The following FAF1 variants were observed in gnomAD, a reference collection of about 807,000 sequenced individuals.
FAF1 encodes the protein Fas associated factor 1, also known as FAS-associated factor 1.
A neutral mutation model predicts 92.5 loss-of-function variants in FAF1; 25 were observed. That is an observed-to-expected ratio of 0.27 (90% confidence interval 0.20 to 0.38). The LOEUF is 0.38. Ranked by LOEUF, FAF1 falls within the 10% of genes least tolerant of loss-of-function variation. The pLI is 1.00. For synonymous variants in FAF1, 234 were observed against 273.2 expected (o/e 0.86, Z 1.42); for missense variants, 636 against 793.3 (o/e 0.80, Z 2.38).
rs374530522 is a variant in FAF1 at position 50,748,698 on chromosome 1, A to C, written c.368-3923T>G. Reference sequence around the variant, plus strand: ...AAGATCAGTGAATCAGAATGTACTTATCTTTCATATATCTGCTTATGTTAG... The same window carrying C: ...AAGATCAGTGAATCAGAATGTACTTCTCTTTCATATATCTGCTTATGTTAG... On this transcript the variant is annotated intron_variant, in intron 4 of 18. Transcript: ENST00000396153. 1.8e-4 allele frequency among the ~76,000 whole-genome samples: 28 copies of C among 152,340 alleles called. No homozygotes were observed. The South Asian group carries it at 4.6e-3, about 25-fold the overall frequency.
intron 13 of FAF1, among the ~76,000 whole-genome samples, chr1:50,564,825 T>A (rs1033733062): frequency 1.3e-5 from 2 of 152,164 alleles, no homozygotes; most frequent in African/African-American, 4.8e-5. Context: ...GTTTCATATG[T>A]CAAAGTCAAT....
At chr1:50,959,673 A>G in intron 1 of FAF1, 94 bp downstream of exon 1, 1 of 1,080,158 alleles carries the variant, frequency 9.3e-7, no homozygotes, top group Non-Finnish European at 1.4e-6. Context: ...ATGACACACC[A>G]CTGCAGCGTT....
chr1:50,469,602 G>A (rs938425503), intron 18 of FAF1: 6 of 152,212 alleles, frequency 3.9e-5, no homozygotes, highest in African/African-American at 1.4e-4. Flanking sequence ...CTTTTAAGCA[G>A]GAGAGAGACA....
chr1:50,955,029 A>G (rs1292000999), intron 1 of FAF1, among the ~76,000 whole-genome samples: 1 of 152,196 alleles, frequency 6.6e-6, no homozygotes, highest in Non-Finnish European at 1.5e-5. Context: ...TAAGGAGGAG[A>G]AGACTCTAGA....
chr1:50,680,370 C>A (rs1231489560), intron 7 of FAF1, among the ~76,000 whole-genome samples: 2 of 151,966 alleles, frequency 1.3e-5, no homozygotes. Flanking sequence ...AATATTCTCC[C>A]ATATTATTAA....
At chr1:50,560,654 A>G (rs949812940) in intron 13 of FAF1, among the ~76,000 whole-genome samples, 2 of 152,208 alleles carry the variant, frequency 1.3e-5, no homozygotes, top group Non-Finnish European at 2.9e-5. Flanking sequence ...TACATAAGCA[A>G]TTCATTTTCC....
At chr1:50,901,115 T>C (rs1350470438) in intron 1 of FAF1, among the ~76,000 whole-genome samples, 1 of 152,216 alleles carries the variant, frequency 6.6e-6, no homozygotes, top group Non-Finnish European at 1.5e-5. Flanking sequence ...ATAACATCTG[T>C]ATGAAAATAA....
intron 4 of FAF1, among the ~76,000 whole-genome samples, chr1:50,749,792 GA>G (rs374146304): frequency 0.017 from 2,316 of 133,170 alleles, 49 homozygotes; most frequent in African/African-American, 0.055. Context: ...CTGTCTCAGA[GA>G]AAAAAAAAAA....
chr1:50,721,550 C>A (rs1383069750), intron 6 of FAF1, among the ~76,000 whole-genome samples: 1 of 152,068 alleles, frequency 6.6e-6, no homozygotes, highest in South Asian at 2.1e-4. Context: ...CAGACATTTA[C>A]TTACATATAT....
chr1:50,839,670 T>TTTAA (rs1195311221), intron 2 of FAF1, among the ~76,000 whole-genome samples: 1 of 152,120 alleles, frequency 6.6e-6, no homozygotes, highest in Non-Finnish European at 1.5e-5. Flanking sequence ...AACGAACCTG[T>TTTAA]TTAATCTTCA....
At chr1:50,719,379 T>G (rs756016015) in intron 6 of FAF1, among the ~76,000 whole-genome samples, 1 of 152,230 alleles carries the variant, frequency 6.6e-6, no homozygotes, top group Non-Finnish European at 1.5e-5. Flanking sequence ...TTAACGAAGG[T>G]TGGCCTCTTA....
chr1:50,866,981 A>G (rs368530523), intron 1 of FAF1, among the ~76,000 whole-genome samples: 4 of 152,094 alleles, frequency 2.6e-5, no homozygotes, highest in African/African-American at 7.2e-5. Context: ...GTACTGGTAT[A>G]AAAATAGGCA....
chr1:50,836,214 A>G (rs1350887536), intron 2 of FAF1, among the ~76,000 whole-genome samples: 1 of 107,614 alleles, frequency 9.3e-6, no homozygotes, highest in East Asian at 2.3e-4. Context: ...TCTGTTGTCC[A>G]GGCTGGAGTG....
At chr1:50,797,758 T>C (rs978546951) in intron 3 of FAF1, among the ~76,000 whole-genome samples, 2 of 152,094 alleles carry the variant, frequency 1.3e-5, no homozygotes, top group Admixed American at 1.3e-4. Flanking sequence ...GTAGACCCAG[T>C]TACTCAGGAG....
chr1:50,454,087 T>C (rs1303588608), intron 18 of FAF1, among the ~76,000 whole-genome samples: 1 of 152,220 alleles, frequency 6.6e-6, no homozygotes, highest in Non-Finnish European at 1.5e-5. Context: ...AGTAACAACA[T>C]TTTAGAAGTG....
chr1:50,703,679 T>G (rs947663285), intron 7 of FAF1, among the ~76,000 whole-genome samples: 1 of 152,184 alleles, frequency 6.6e-6, no homozygotes, highest in Non-Finnish European at 1.5e-5. Context: ...TTCTGGAACA[T>G]TTTTAAAATG....
chr1:50,467,200 T>C (rs537302692), intron 18 of FAF1, among the ~76,000 whole-genome samples: 2 of 152,028 alleles, frequency 1.3e-5, no homozygotes, highest in South Asian at 4.2e-4. Flanking sequence ...CAACTAAGAG[T>C]ATATTTTACC....
intron 6 of FAF1, among the ~76,000 whole-genome samples, chr1:50,722,423 T>C (rs958556990): frequency 6.6e-6 from 1 of 151,914 alleles, no homozygotes; most frequent in African/African-American, 2.4e-5. Context: ...CCGAGGTGGG[T>C]GGATCATGAG....
intron 2 of FAF1, among the ~76,000 whole-genome samples, chr1:50,842,700 G>A (rs1405796054): frequency 6.6e-6 from 1 of 151,884 alleles, no homozygotes; most frequent in South Asian, 2.1e-4. Flanking sequence ...CTGGCTCCTC[G>A]TTCTCACATT....
Sources: gnomAD v4.1 joint callset for allele counts (sites outside exome capture counted in the v4.1 genomes callset) on GRCh38, gnomAD v4.1.1 for gene constraint, MANE v1.5 for transcripts, NCBI Gene and HGNC (gene_info 2026-07-23, HGNC 2026-07-21) for gene names.